The following HERC3 variants were observed in gnomAD, a reference collection of about 807,000 sequenced individuals.
HERC3 encodes HECT and RLD domain containing E3 ubiquitin protein ligase 3.
Under a neutral mutation model 129.9 loss-of-function variants are expected in HERC3, and 58 were observed. The ratio of observed to expected loss-of-function variants is 0.45; its 90% confidence interval spans 0.36 to 0.56. The LOEUF is 0.56. HERC3 is among the 20% of genes least tolerant of loss of function. The pLI is 0.00. For missense variants in HERC3, 835 were observed against 1,244.2 expected (o/e 0.67, Z 4.95); for synonymous variants, 430 against 451.0 (o/e 0.95, Z 0.59).
intron 3 of HERC3, among the ~76,000 whole-genome samples, chr4:88,630,386 T>C (rs1386959747): frequency 2.0e-5 from 3 of 152,216 alleles, no homozygotes; most frequent in Non-Finnish European, 4.4e-5. Flanking sequence ...AGCCTGACTT[T>C]ATTGATTTTG....
At chr4:88,632,044 G>A (rs1257938206) in intron 3 of HERC3, among the ~76,000 whole-genome samples, 3 of 152,108 alleles carry the variant, frequency 2.0e-5, no homozygotes, top group Non-Finnish European at 1.5e-5. Context: ...CTGCCATTTG[G>A]CCCCAGAGGC....
intron 3 of HERC3, among the ~76,000 whole-genome samples, chr4:88,624,887 A>T (rs982678878): frequency 6.6e-6 from 1 of 152,166 alleles, no homozygotes. Flanking sequence ...TATGTAGGTG[A>T]TATAATGGTC....
chr4:88,636,264 G>C (rs1214545604), intron 3 of HERC3, among the ~76,000 whole-genome samples: 6 of 152,082 alleles, frequency 3.9e-5, no homozygotes, highest in Non-Finnish European at 7.3e-5. Context: ...CTCATGTGCA[G>C]AGACACACAT....
intron 21 of HERC3, among the ~76,000 whole-genome samples, chr4:88,681,704 C>A (rs185814752): frequency 3.9e-5 from 6 of 152,142 alleles, no homozygotes; most frequent in East Asian, 3.9e-4. Flanking sequence ...GTTGTTGAGG[C>A]AAAATAGATA....
intron 3 of HERC3, among the ~76,000 whole-genome samples, chr4:88,619,096 C>T (rs1349354374): frequency 1.3e-5 from 2 of 152,194 alleles, no homozygotes; most frequent in African/African-American, 4.8e-5. Context: ...AGTTTGTTTG[C>T]TCTGTGTTCC....
intron 23 of HERC3, chr4:88,696,912 C>A (rs1251161107): frequency 5.8e-6 from 2 of 344,074 alleles, no homozygotes; most frequent in Admixed American, 4.5e-5. Flanking sequence ...TCTGCTAACA[C>A]CCTTTGTAAA....
chr4:88,561,777 G>A, the HERC3 span, among the ~76,000 whole-genome samples: 2 of 152,010 alleles, frequency 1.3e-5, no homozygotes, highest in Non-Finnish European at 2.9e-5. Context: ...GTCTTTCCAT[G>A]CCTGGTTTAT....
the HERC3 span, among the ~76,000 whole-genome samples, chr4:88,576,817 A>G: frequency 6.6e-6 from 1 of 152,298 alleles, no homozygotes; most frequent in South Asian, 2.1e-4. Context: ...GTTTCATATA[A>G]TAAAGCCTAT....
chr4:88,530,633 G>A, the HERC3 span, among the ~76,000 whole-genome samples: 1 of 152,166 alleles, frequency 6.6e-6, no homozygotes, highest in African/African-American at 2.4e-5. Flanking sequence ...TTGCTAGGCA[G>A]AGATGAGTAT....
upstream of HERC3, among the ~76,000 whole-genome samples, chr4:88,588,716 A>G (rs538185933): frequency 3.3e-5 from 5 of 152,392 alleles, no homozygotes; most frequent in African/African-American, 1.2e-4. Context: ...AAGGGAAGAA[A>G]GGAAAACAAT....
intron 3 of HERC3, among the ~76,000 whole-genome samples, chr4:88,644,468 A>C (rs1285269165): frequency 6.6e-6 from 1 of 152,192 alleles, no homozygotes; most frequent in Admixed American, 6.5e-5. Context: ...ACTTAATTGA[A>C]TCTCAGAGGC....
chr4:88,646,802 G>C (rs756331029), intron 3 of HERC3, among the ~76,000 whole-genome samples: 1 of 152,312 alleles, frequency 6.6e-6, no homozygotes, highest in Admixed American at 6.5e-5. Flanking sequence ...GCCTGAATTA[G>C]ACGAGCGCAG....
chr4:88,660,287 C>T (rs536057843), intron 10 of HERC3, among the ~76,000 whole-genome samples: 41 of 152,110 alleles, frequency 2.7e-4, no homozygotes, highest in Non-Finnish European at 6.0e-4. Context: ...CTGCAACCTC[C>T]ACCTCCTGGT....
upstream of HERC3, among the ~76,000 whole-genome samples, chr4:88,589,174 C>T (rs1008255876): frequency 6.6e-6 from 1 of 152,044 alleles, no homozygotes; most frequent in African/African-American, 2.4e-5. Flanking sequence ...AATGCAACCT[C>T]GAATTCCTAT....
At chr4:88,529,332 T>C in the HERC3 span, among the ~76,000 whole-genome samples, 1 of 152,160 alleles carries the variant, frequency 6.6e-6, no homozygotes, top group Non-Finnish European at 1.5e-5. Context: ...TGGCAGTGCC[T>C]GCAAGTACTA....
At chr4:88,575,449 TG>T in the HERC3 span, among the ~76,000 whole-genome samples, 24 of 152,336 alleles carry the variant, frequency 1.6e-4, 2 homozygotes, top group Non-Finnish European at 2.8e-4. Flanking sequence ...TGCTCTCTTT[TG>T]CTCCCCCATC....
chr4:88,704,065 G>T, intron 23 of HERC3, 33 bp from the exon 24 acceptor site: 2 of 1,592,622 alleles, frequency 1.3e-6, no homozygotes, highest in South Asian at 2.2e-5. Flanking sequence ...ACAAGACTTT[G>T]AGCTAAATGT....
chr4:88,647,779 T>C (rs1560715338), intron 3 of HERC3, among the ~76,000 whole-genome samples: 1 of 151,882 alleles, frequency 6.6e-6, no homozygotes, highest in East Asian at 1.9e-4. Flanking sequence ...TTATCTTGAA[T>C]CTCACTCCCT....
chr4:88,594,197 C>G (rs984008852), intron 1 of HERC3, among the ~76,000 whole-genome samples: 25 of 152,108 alleles, frequency 1.6e-4, no homozygotes, highest in African/African-American at 6.0e-4. Context: ...GTGCTTGAAG[C>G]CATTCGTTAT....
Sources: allele counts gnomAD v4.1 joint callset (sites outside exome capture counted in the v4.1 genomes callset), GRCh38; gene constraint gnomAD v4.1.1; transcripts MANE v1.5; gene names NCBI Gene and HGNC (gene_info 2026-07-23, HGNC 2026-07-21).